MYO5A: variants seen among roughly 807,000 people sequenced by gnomAD.
The protein encoded by MYO5A is myosin VA, also known as unconventional myosin-Va.
In MYO5A, 98 loss-of-function variants were observed where a neutral mutation model predicts 249.7. The observed-to-expected ratio is 0.39, with a 90% CI of 0.33 to 0.46. The LOEUF (loss-of-function observed/expected upper bound fraction) is 0.46. Among genes scored for constraint, MYO5A ranks in the 20% least tolerant of loss-of-function variants. The probability of loss-of-function intolerance (pLI) is 0.98; values close to 1 mark genes in which losing one functional copy is unlikely to be tolerated. For missense variants in MYO5A, 1,696 were observed against 2,308.8 expected, an observed-to-expected ratio of 0.73 and a Z score of 5.44; for synonymous variants, 778 against 810.6, an observed-to-expected ratio of 0.96 and a Z score of 0.68.
rs750736936 is a variant in MYO5A, at chr15:52,405,036, TTCTC to T, written c.1053+247_1053+250del. ...ATCTCATCTATCCAACCCTCTCTCT[TTCTC>T]TCTCTCTCTGTCACACACACACACA... On this transcript the variant is annotated intron_variant, in intron 9 of 41. Transcript: ENST00000399233. Among the ~76,000 whole-genome samples the T allele has an allele frequency of 9.3e-5, 9 of 97,114 alleles. 1 individual carries two copies. The highest frequency in any genetic ancestry group is 1.5e-4 in the Non-Finnish European group (7 of 45,946). The allele number at this position is 97,114 out of a possible 152,430, so 63.7% of individuals were successfully genotyped here.
chr15:52,340,411 T>C lies in MYO5A; in HGVS notation c.4041-17A>G, dbSNP rs372489831. On this transcript the variant is annotated splice_polypyrimidine_tract_variant and intron_variant, in intron 31 of 41. Transcript: ENST00000399233. ...TCCAGGAGCCTGCGGAGAGGACACA[T>C]GGGTCGGAAGGGGAGACGACACCCC... The C allele has an allele frequency of 8.1e-6, 13 of 1,609,284 alleles. No homozygotes were observed. Among genetic ancestry groups the C allele is most frequent in the Middle Eastern group, 3.3e-4 (2 of 6,040 alleles).
At chr15:52,354,855 C>CA (rs568281513) in intron 25 of MYO5A, among the ~76,000 whole-genome samples, 22,258 of 87,812 alleles carry the variant, frequency 0.25, 1,830 homozygotes, top group Middle Eastern at 0.34. Flanking sequence ...CTCCATCTCA[C>CA]AAAAAAAAAA....
intron 14 of MYO5A, among the ~76,000 whole-genome samples, chr15:52,385,165 T>C (rs1343423027): frequency 6.6e-6 from 1 of 152,222 alleles, no homozygotes; most frequent in Non-Finnish European, 1.5e-5. Context: ...TGTATGTACA[T>C]ATCTTTACAA....
At chr15:52,389,141 A>G (rs1275875380) in intron 13 of MYO5A, 97 bp downstream of exon 13, 1 of 1,333,216 alleles carries the variant, frequency 7.5e-7, no homozygotes, top group Non-Finnish European at 1.0e-6. Context: ...TAAAGAATGC[A>G]AACATCAGCA....
chr15:52,428,946 C>T (rs553340899), intron 2 of MYO5A, among the ~76,000 whole-genome samples: 1 of 152,274 alleles, frequency 6.6e-6, no homozygotes, highest in East Asian at 1.9e-4. Flanking sequence ...GATCAGATTG[C>T]CCAGGATTCA....
intron 27 of MYO5A, among the ~76,000 whole-genome samples, chr15:52,352,191 A>C (rs1284235876): frequency 1.3e-5 from 2 of 152,190 alleles, no homozygotes; most frequent in African/African-American, 4.8e-5. Flanking sequence ...TTCATGTCTT[A>C]CCAGCCAGCC....
intron 11 of MYO5A, among the ~76,000 whole-genome samples, chr15:52,392,870 T>C (rs2042308796): frequency 6.6e-6 from 1 of 152,220 alleles, no homozygotes; most frequent in South Asian, 2.1e-4. Context: ...TCACAAGCTG[T>C]AGTAGTATTA....
chr15:52,345,986 A>C, intron 30 of MYO5A, among the ~76,000 whole-genome samples: 1 of 152,202 alleles, frequency 6.6e-6, no homozygotes, highest in Admixed American at 6.5e-5. Flanking sequence ...CAAATATTGA[A>C]AACTGCAGTT....
intron 1 of MYO5A, among the ~76,000 whole-genome samples, chr15:52,486,595 C>T (rs1166879867): frequency 6.6e-6 from 1 of 152,010 alleles, no homozygotes; most frequent in African/African-American, 2.4e-5. Flanking sequence ...AAACAAGAGA[C>T]TCTTGGGGAT....
At chr15:52,362,834 A>G in intron 24 of MYO5A, among the ~76,000 whole-genome samples, 1 of 152,212 alleles carries the variant, frequency 6.6e-6, no homozygotes, top group Non-Finnish European at 1.5e-5. Flanking sequence ...TCGACTAAAG[A>G]GACCCATGAC....
At chr15:52,368,407 C>T (rs1437701089) in intron 22 of MYO5A, among the ~76,000 whole-genome samples, 1 of 152,108 alleles carries the variant, frequency 6.6e-6, no homozygotes, top group Non-Finnish European at 1.5e-5. Flanking sequence ...TGTGCCTAGC[C>T]CACACTCCCA....
intron 9 of MYO5A, among the ~76,000 whole-genome samples, chr15:52,398,535 C>T (rs781501619): frequency 3.3e-5 from 5 of 152,152 alleles, no homozygotes; most frequent in African/African-American, 7.2e-5. Context: ...GTCTCCTTGA[C>T]ACCTTCATCT....
intron 18 of MYO5A, among the ~76,000 whole-genome samples, chr15:52,378,659 C>A (rs1243678321): frequency 6.7e-6 from 1 of 150,356 alleles, no homozygotes; most frequent in Admixed American, 6.6e-5. Flanking sequence ...ATTTAGTTCA[C>A]AGCTAGTAAT....
At chr15:52,494,667 A>C (rs2077002462) in intron 1 of MYO5A, among the ~76,000 whole-genome samples, 1 of 151,860 alleles carries the variant, frequency 6.6e-6, no homozygotes, top group Non-Finnish European at 1.5e-5. Flanking sequence ...TAATTTTTGT[A>C]TTTTTAGTAG....
chr15:52,345,207 T>A (rs1596320694), intron 30 of MYO5A, among the ~76,000 whole-genome samples: 1 of 152,210 alleles, frequency 6.6e-6, no homozygotes, highest in Admixed American at 6.5e-5. Flanking sequence ...AGATTACTTA[T>A]AATACCTAAA....
At chr15:52,494,890 G>C (rs953924020) in intron 1 of MYO5A, among the ~76,000 whole-genome samples, 1 of 152,158 alleles carries the variant, frequency 6.6e-6, no homozygotes, top group Non-Finnish European at 1.5e-5. Flanking sequence ...CAATACATAA[G>C]CAAGAACAGC....
intron 8 of MYO5A, among the ~76,000 whole-genome samples, chr15:52,407,020 G>T (rs1048610330): frequency 2.0e-5 from 3 of 152,090 alleles, no homozygotes. Context: ...TTTATTGAAG[G>T]CTAATTTGCA....
At chr15:52,331,669 G>A in intron 34 of MYO5A, 1 of 985,422 alleles carries the variant, frequency 1.0e-6, no homozygotes, top group South Asian at 4.7e-5. Flanking sequence ...CAGTCCCACA[G>A]GAAGAGGTTA....
chr15:52,457,730 AC>A (rs1348609000), intron 1 of MYO5A, among the ~76,000 whole-genome samples: 4 of 152,332 alleles, frequency 2.6e-5, no homozygotes, highest in Admixed American at 6.5e-5. Flanking sequence ...AAATAGAACT[AC>A]CATACAATCC....
Sources: allele counts gnomAD v4.1 joint callset (sites outside exome capture counted in the v4.1 genomes callset), GRCh38; gene constraint gnomAD v4.1.1; transcripts MANE v1.5; gene names NCBI Gene and HGNC (gene_info 2026-07-23, HGNC 2026-07-21).